YEATS4: variants seen among roughly 807,000 people sequenced by gnomAD.
YEATS4 encodes the protein YEATS domain containing 4.
A neutral mutation model predicts 30.1 loss-of-function variants in YEATS4; 17 were observed. The ratio of observed to expected loss-of-function variants is 0.56; its 90% confidence interval spans 0.39 to 0.85. YEATS4 has a LOEUF of 0.85. Ranked by LOEUF, YEATS4 falls within the 40% of genes least tolerant of loss-of-function variation. YEATS4 has a pLI of 0.00. For missense variants in YEATS4, 142 were observed against 268.3 expected, an observed-to-expected ratio of 0.53 and a Z score of 3.29; for synonymous variants, 85 against 87.5, an observed-to-expected ratio of 0.97 and a Z score of 0.16.
intron 4 of YEATS4, 74 bp downstream of exon 4, chr12:69,365,958 A>G (rs1875412474): frequency 9.0e-7 from 1 of 1,106,010 alleles, no homozygotes; most frequent in Non-Finnish European, 1.3e-6. Flanking sequence ...TACTTAATGA[A>G]TAGTGTTCAT....
the YEATS4 span, among the ~76,000 whole-genome samples, chr12:69,423,906 T>C: frequency 1.3e-5 from 2 of 152,186 alleles, no homozygotes; most frequent in Non-Finnish European, 2.9e-5. Context: ...TATAAATGGA[T>C]GTCTAAGGGA....
At chr12:69,417,856 G>GGAAAAAAA in the YEATS4 span, among the ~76,000 whole-genome samples, 5 of 101,980 alleles carry the variant, frequency 4.9e-5, no homozygotes, top group Non-Finnish European at 5.8e-5. Flanking sequence ...TTACAATAGG[G>GGAAAAAAA]AAAAAAAAAA....
chr12:69,419,342 T>G, the YEATS4 span, among the ~76,000 whole-genome samples: 1 of 151,200 alleles, frequency 6.6e-6, no homozygotes, highest in Non-Finnish European at 1.5e-5. Flanking sequence ...TTCCTCAGCC[T>G]CTTTAGTAGC....
At chr12:69,396,147 T>C in the YEATS4 span, among the ~76,000 whole-genome samples, 1 of 152,238 alleles carries the variant, frequency 6.6e-6, no homozygotes, top group Non-Finnish European at 1.5e-5. Flanking sequence ...TCAACACGGC[T>C]TCATTGCTCT....
chr12:69,417,384 T>C, the YEATS4 span, among the ~76,000 whole-genome samples: 1 of 151,928 alleles, frequency 6.6e-6, no homozygotes, highest in African/African-American at 2.4e-5. Flanking sequence ...GGTCTTCAAC[T>C]CCTGAGCTCA....
At chr12:69,365,494 C>A in intron 2 of YEATS4, 139 bp from the exon 3 acceptor site, 1 of 611,094 alleles carries the variant, frequency 1.6e-6, no homozygotes, top group African/African-American at 1.9e-5. Context: ...AGGTGTAGTT[C>A]ATGTTTTTTA....
rs1002149282 is a variant in YEATS4 at position 69,370,983 on chromosome 12, C to T, written c.514+8C>T. On this transcript the variant is annotated splice_region_variant and intron_variant, in intron 6 of 6. Coordinates refer to ENST00000247843, the MANE Select transcript of YEATS4 (RefSeq NM_006530.4). ...ATAAGCATGAAACAGAATGTAAGTG[C>T]CATGCATTCATAATTCTGAAAAATA... 6.2e-7 allele frequency: 1 copy of T among 1,602,318 alleles called. No individual in the cohort carries two copies. The highest frequency in any genetic ancestry group is 8.5e-7 in the Non-Finnish European group (1 of 1,175,026).
chr12:69,402,671 T>C, the YEATS4 span, among the ~76,000 whole-genome samples: 1 of 152,066 alleles, frequency 6.6e-6, no homozygotes, highest in Non-Finnish European at 1.5e-5. Context: ...TGCCATATAA[T>C]GCCATGTATC....
the YEATS4 span, among the ~76,000 whole-genome samples, chr12:69,425,528 A>G: frequency 5.9e-5 from 9 of 152,286 alleles, no homozygotes; most frequent in South Asian, 2.1e-4. Context: ...GCGCCCACAC[A>G]GTGAGAGCTG....
the YEATS4 span, among the ~76,000 whole-genome samples, chr12:69,411,491 A>G: frequency 6.6e-6 from 1 of 152,250 alleles, no homozygotes; most frequent in Non-Finnish European, 1.5e-5. Context: ...CTACCATTGT[A>G]GTGCTAACAT....
intron 6 of YEATS4, among the ~76,000 whole-genome samples, chr12:69,385,763 T>C (rs1170540115): frequency 6.6e-6 from 1 of 152,234 alleles, no homozygotes; most frequent in Non-Finnish European, 1.5e-5. Context: ...AAAATGATAG[T>C]GAACACTTAG....
the YEATS4 span, among the ~76,000 whole-genome samples, chr12:69,400,021 G>A: frequency 2.0e-5 from 3 of 151,992 alleles, no homozygotes; most frequent in Non-Finnish European, 2.9e-5. Context: ...TTTACGTGGC[G>A]GTGATGGAAA....
the YEATS4 span, among the ~76,000 whole-genome samples, chr12:69,411,007 A>G: frequency 3.3e-5 from 5 of 152,326 alleles, no homozygotes; most frequent in East Asian, 7.7e-4. Context: ...CTATTAAACC[A>G]TAGTAACTAT....
chr12:69,359,845 T>C lies in YEATS4; in HGVS notation c.-128T>C, dbSNP rs2120865029. 8.8e-7 allele frequency: 1 copy of C among 1,136,760 alleles called. No homozygotes were observed. Among genetic ancestry groups the C allele is most frequent in the Non-Finnish European group, 1.2e-6 (1 of 801,650 alleles). 70.4% of individuals were successfully genotyped at this position (1,136,760 alleles called of 1,614,324 possible). A position where few individuals can be genotyped will look rare whatever the true frequency, so the allele number is the denominator to read the frequency against. ...ACTCACCGCCGTGAGCCCAAGTAAC[T>C]CGCCCTCCTTCGGCTAGAAACCCTC... On this transcript the variant is annotated 5_prime_UTR_variant, in exon 1 of 7. Transcript: ENST00000247843.
At chr12:69,416,930 G>A in the YEATS4 span, among the ~76,000 whole-genome samples, 2 of 151,622 alleles carry the variant, frequency 1.3e-5, no homozygotes, top group East Asian at 4.0e-4. Context: ...AAAATTAGCC[G>A]GGCATGGTGG....
the YEATS4 span, among the ~76,000 whole-genome samples, chr12:69,426,992 G>A: frequency 6.6e-6 from 1 of 152,096 alleles, no homozygotes; most frequent in African/African-American, 2.4e-5. Flanking sequence ...AATAATAATT[G>A]AAAGAAAGAT....
chr12:69,381,577 G>T lies in YEATS4; in HGVS notation c.515-8570G>T, dbSNP rs187980061. On this transcript the variant is annotated intron_variant, in intron 6 of 6. Transcript: ENST00000247843. ...AAGACAGGCATAGGAAATCACAAGG[G>T]TATTGATTGGGGAAGTGATAAGTGT... Among the ~76,000 whole-genome samples the T allele has an allele frequency of 6.8e-4, 104 of 152,298 alleles. 1 individual carries two copies. In the Middle Eastern group the frequency reaches 0.01, roughly 15 times the overall value.
chr12:69,403,020 G>A, the YEATS4 span, among the ~76,000 whole-genome samples: 19,095 of 151,984 alleles, frequency 0.13, 1,523 homozygotes, highest in East Asian at 0.38. Flanking sequence ...ACCACGCCCG[G>A]CTTGCTATTT....
chr12:69,386,638 A>C (rs315115), intron 6 of YEATS4, among the ~76,000 whole-genome samples: 2 of 152,106 alleles, frequency 1.3e-5, no homozygotes, highest in African/African-American at 4.8e-5. Context: ...TGTTTTTTAA[A>C]TTGATGTGGG....
Sources: allele counts gnomAD v4.1 joint callset (sites outside exome capture counted in the v4.1 genomes callset), GRCh38; gene constraint gnomAD v4.1.1; transcripts MANE v1.5; gene names NCBI Gene and HGNC (gene_info 2026-07-23, HGNC 2026-07-21).